AK8: variants seen among roughly 807,000 people sequenced by gnomAD.
AK8 encodes ATP-AMP transphosphorylase 8.
Under a neutral mutation model 54.6 loss-of-function variants are expected in AK8, and 44 were observed. The observed-to-expected ratio is 0.81, with a 90% CI of 0.63 to 1.04. The LOEUF (loss-of-function observed/expected upper bound fraction) is 1.04, where lower values mean the gene tolerates loss of function less well. Among genes scored for constraint, AK8 ranks in the 50% least tolerant of loss-of-function variants. The pLI, the probability that AK8 is intolerant of heterozygous loss-of-function variation, is 0.00. For missense variants in AK8, 555 were observed against 613.6 expected, an observed-to-expected ratio of 0.90 and a Z score of 1.01; for synonymous variants, 239 against 245.6, an observed-to-expected ratio of 0.97 and a Z score of 0.25.
At chr9:132,843,052 G>A (rs1564433710) in intron 5 of AK8, among the ~76,000 whole-genome samples, 2 of 152,212 alleles carry the variant, frequency 1.3e-5, no homozygotes, top group Non-Finnish European at 2.9e-5. Context: ...CACTCAAGGG[G>A]AGGGGATTAC....
chr9:132,794,957 C>G (rs535588853), intron 10 of AK8, among the ~76,000 whole-genome samples: 101 of 152,326 alleles, frequency 6.6e-4, no homozygotes, highest in African/African-American at 2.3e-3. Flanking sequence ...ACACAGCCGA[C>G]ACTCAAAGGT....
chr9:132,825,486 A>T (rs1841833001), intron 8 of AK8, among the ~76,000 whole-genome samples: 1 of 152,218 alleles, frequency 6.6e-6, no homozygotes. Context: ...GTTTATCTTA[A>T]GAGTGCAGTG....
At chr9:132,813,139 C>G (rs1304110292) in intron 10 of AK8, among the ~76,000 whole-genome samples, 1 of 136,622 alleles carries the variant, frequency 7.3e-6, no homozygotes, top group Non-Finnish European at 1.6e-5. Flanking sequence ...ACCAGACCTG[C>G]TCACTGCCCT....
chr9:132,740,032 C>T (rs1183383387), intron 11 of AK8, among the ~76,000 whole-genome samples: 2 of 152,336 alleles, frequency 1.3e-5, no homozygotes, highest in South Asian at 2.1e-4. Flanking sequence ...CCAATATCCC[C>T]ATCTAGTAAA....
intron 1 of AK8, among the ~76,000 whole-genome samples, chr9:132,875,849 A>T (rs1325783713): frequency 6.6e-6 from 1 of 152,242 alleles, no homozygotes; most frequent in Admixed American, 6.5e-5. Flanking sequence ...TTGCTGGGGA[A>T]CATGACCGTC....
At chr9:132,872,491 T>C (rs1407023620) in intron 2 of AK8, among the ~76,000 whole-genome samples, 1 of 152,196 alleles carries the variant, frequency 6.6e-6, no homozygotes, top group East Asian at 1.9e-4. Context: ...AGAGTCTTAC[T>C]ATGTTGCCCA....
intron 10 of AK8, among the ~76,000 whole-genome samples, chr9:132,809,441 C>A (rs1406033625): frequency 6.6e-6 from 1 of 152,166 alleles, no homozygotes; most frequent in Non-Finnish European, 1.5e-5. Context: ...CAGGCCAAGT[C>A]CCTCCGGCTC....
chr9:132,869,916 C>T (rs1257274538), intron 2 of AK8, among the ~76,000 whole-genome samples: 1 of 152,126 alleles, frequency 6.6e-6, no homozygotes, highest in East Asian at 1.9e-4. Flanking sequence ...GATGAGGGAG[C>T]AGTGGGGAAC....
chr9:132,805,092 A>G (rs1015718595), intron 10 of AK8, among the ~76,000 whole-genome samples: 6 of 152,182 alleles, frequency 3.9e-5, no homozygotes, highest in Non-Finnish European at 8.8e-5. Context: ...ACTGGAGAAG[A>G]AGGCCCGGGG....
At chr9:132,839,821 G>GGT (rs1554801253) in intron 5 of AK8, among the ~76,000 whole-genome samples, 1 of 49,776 alleles carries the variant, frequency 2.0e-5, no homozygotes, top group African/African-American at 9.2e-5. Context: ...TTTTTTTGCC[G>GGT]GGGGGGGGGG....
intron 4 of AK8, chr9:132,861,359 C>T (rs188211103): frequency 9.2e-5 from 14 of 152,254 alleles, no homozygotes; most frequent in East Asian, 5.8e-4. Context: ...TCAGGACTAA[C>T]GTAAATGAAT....
In AK8 at chr9:132,787,984, A is replaced by T. The variant is rs146228427; in HGVS notation, c.1121+4650T>A. ...AGCCCCTGATGATCAACTATGCAGT[A>T]AGCCTAGAAAAAAACCAGTCCAAAC... On this transcript the variant is annotated intron_variant, in intron 11 of 12. Transcript: ENST00000298545. Among the ~76,000 whole-genome samples, 36 of 152,226 alleles carry T rather than the reference A, an allele frequency of 2.4e-4. No individual in the cohort carries two copies. In the East Asian group the frequency reaches 6.4e-3, roughly 27 times the overall value.
chr9:132,848,810 C>G (rs182181712), intron 5 of AK8, among the ~76,000 whole-genome samples: 1 of 152,082 alleles, frequency 6.6e-6, no homozygotes, highest in East Asian at 1.9e-4. Context: ...GATGCAGAAT[C>G]AAGTCGCCGA....
chr9:132,783,206 G>A (rs1161925323), intron 11 of AK8, among the ~76,000 whole-genome samples: 1 of 152,136 alleles, frequency 6.6e-6, no homozygotes, highest in African/African-American at 2.4e-5. Context: ...GAGTACAGAG[G>A]AAGGATGGGA....
intron 1 of AK8, among the ~76,000 whole-genome samples, chr9:132,876,063 G>C (rs1282851484): frequency 1.3e-5 from 2 of 152,224 alleles, no homozygotes; most frequent in Non-Finnish European, 2.9e-5. Flanking sequence ...TTGAGCCCCA[G>C]GGACAAGGAG....
At chr9:132,731,426 G>A (rs995886680) in intron 11 of AK8, among the ~76,000 whole-genome samples, 1 of 152,202 alleles carries the variant, frequency 6.6e-6, no homozygotes, top group Admixed American at 6.5e-5. Flanking sequence ...GTGAGTCTGA[G>A]AGGGTGGGTG....
chr9:132,812,750 C>T lies in AK8; in HGVS notation c.979+1888G>A, dbSNP rs1021315633. Among the ~76,000 whole-genome samples, 3 of 152,262 alleles carry T rather than the reference C, an allele frequency of 2.0e-5. 1 individual carries two copies. Among genetic ancestry groups the T allele is most frequent in the East Asian group, 1.9e-4 (1 of 5,178 alleles). On this transcript the variant is annotated intron_variant, in intron 10 of 12. Transcript: ENST00000298545. ...GGTGCCACATGGCTGGTGGGGGCAGCGCTGGAATCTGAACCAGACTGGGAA... is the reference window on the plus strand; with the variant it reads ...GGTGCCACATGGCTGGTGGGGGCAGTGCTGGAATCTGAACCAGACTGGGAA...
At chr9:132,747,412 C>T (rs573296022) in intron 11 of AK8, among the ~76,000 whole-genome samples, 2 of 151,450 alleles carry the variant, frequency 1.3e-5, no homozygotes, top group Non-Finnish European at 2.9e-5. Flanking sequence ...CTTGGCCTCC[C>T]AAAGTGCTGG....
At chr9:132,869,655 C>T (rs78361843) in intron 2 of AK8, among the ~76,000 whole-genome samples, 430 of 152,338 alleles carry the variant, frequency 2.8e-3, no homozygotes, top group African/African-American at 7.0e-3. Context: ...CTCCCAGGGC[C>T]CTCCCCATGG....
Sources: gnomAD v4.1 joint callset for allele counts (sites outside exome capture counted in the v4.1 genomes callset) on GRCh38, gnomAD v4.1.1 for gene constraint, MANE v1.5 for transcripts, NCBI Gene and HGNC (gene_info 2026-07-23, HGNC 2026-07-21) for gene names.